Variants in SMYD3 observed in about 807,000 individuals in gnomAD.
SMYD3 encodes histone-lysine N-methyltransferase SMYD3.
A neutral mutation model predicts 57.7 loss-of-function variants in SMYD3; 36 were observed. The ratio of observed to expected loss-of-function variants is 0.62; its 90% confidence interval spans 0.48 to 0.82. The LOEUF (loss-of-function observed/expected upper bound fraction) is 0.82, where lower values mean the gene tolerates loss of function less well. SMYD3 is among the 40% of genes least tolerant of loss of function. The pLI is 0.00. For synonymous variants in SMYD3, 211 were observed against 195.0 expected (o/e 1.08, Z -0.68); for missense variants, 515 against 538.8 (o/e 0.96, Z 0.44).
chr1:246,032,945 TATA>T (rs1317022717), intron 5 of SMYD3, among the ~76,000 whole-genome samples: 3 of 152,132 alleles, frequency 2.0e-5, no homozygotes, highest in Non-Finnish European at 2.9e-5. Flanking sequence ...CTCAAATGTA[TATA>T]ATAAGAATGA....
At position 245,915,441 on chromosome 1, in the gene SMYD3, T is replaced by G. The variant is rs1025413482; in HGVS notation, c.813+89A>C. The G allele has an allele frequency of 5.2e-6, 4 of 776,516 alleles. No homozygotes were observed. The African/African-American group carries it at 6.8e-5, about 13-fold the overall frequency. 48.1% of individuals were successfully genotyped at this position (776,516 alleles called of 1,614,324 possible). Reference sequence around the variant, plus strand: ...CCTACCATGTACTGAGGGTCATTACTTTTGGGTTTATGAAATCTAGGCAGA... The same window carrying G: ...CCTACCATGTACTGAGGGTCATTACGTTTGGGTTTATGAAATCTAGGCAGA... On this transcript the variant is annotated intron_variant, in intron 8 of 11. Transcript: ENST00000490107.
At chr1:245,936,668 G>A (rs576110915) in intron 5 of SMYD3, among the ~76,000 whole-genome samples, 7 of 152,338 alleles carry the variant, frequency 4.6e-5, no homozygotes, top group African/African-American at 1.4e-4. Flanking sequence ...GCCAAGGCAA[G>A]TGGATCGATT....
intron 1 of SMYD3, among the ~76,000 whole-genome samples, chr1:246,411,712 A>G (rs1237355354): frequency 6.6e-6 from 1 of 151,938 alleles, no homozygotes; most frequent in African/African-American, 2.4e-5. Context: ...ATTCTCAGCA[A>G]TCTATCCCAA....
intron 5 of SMYD3, among the ~76,000 whole-genome samples, chr1:246,000,707 A>C (rs1232913626): frequency 2.6e-5 from 4 of 152,170 alleles, no homozygotes; most frequent in Non-Finnish European, 5.9e-5. Context: ...CTCACTAATC[A>C]AGATAACAGA....
intron 1 of SMYD3, among the ~76,000 whole-genome samples, chr1:246,366,656 A>G (rs1558427165): frequency 6.6e-6 from 1 of 152,036 alleles, no homozygotes; most frequent in Non-Finnish European, 1.5e-5. Context: ...TCTCAAAAAC[A>G]AAATTGGCCA....
chr1:246,204,559 A>G (rs1244355546), intron 5 of SMYD3, among the ~76,000 whole-genome samples: 1 of 152,226 alleles, frequency 6.6e-6, no homozygotes, highest in Admixed American at 6.5e-5. Context: ...TACCTTTGTC[A>G]AAGCTCACCA....
Position 246,147,736 on chromosome 1 carries a change from G to A in SMYD3, c.531+179465C>T, listed in dbSNP as rs564476566. ...GAGCAGACAGGATCTGCCCTCCAGG[G>A]TAGAGCTGCAGCCTCCCTGCTGCGG... On this transcript the variant is annotated intron_variant, in intron 5 of 11. Transcript: ENST00000490107. Among the ~76,000 whole-genome samples the A allele has an allele frequency of 3.9e-5, 6 of 152,098 alleles. No homozygotes were observed. The South Asian group carries it at 1.2e-3, about 32-fold the overall frequency.
intron 5 of SMYD3, chr1:246,108,780 C>T (rs1336178666): frequency 6.6e-6 from 1 of 152,378 alleles, no homozygotes; most frequent in South Asian, 2.1e-4. Flanking sequence ...GCTTTATTCC[C>T]TGCAAGCAAC....
At chr1:246,155,712 G>A (rs755011345) in intron 5 of SMYD3, among the ~76,000 whole-genome samples, 18 of 152,206 alleles carry the variant, frequency 1.2e-4, no homozygotes, top group Non-Finnish European at 2.1e-4. Flanking sequence ...AGGTACAGGG[G>A]CTCGTGCCTG....
chr1:245,964,938 C>T (rs11799349), intron 5 of SMYD3, among the ~76,000 whole-genome samples: 20,657 of 151,694 alleles, frequency 0.14, 1,754 homozygotes, highest in East Asian at 0.41. Context: ...GAGAAATTCC[C>T]CAAATTAATG....
At chr1:246,222,589 A>G (rs1239239845) in intron 5 of SMYD3, among the ~76,000 whole-genome samples, 3 of 152,324 alleles carry the variant, frequency 2.0e-5, no homozygotes, top group African/African-American at 7.2e-5. Context: ...TAGATTCTTC[A>G]TGAATATATC....
intron 5 of SMYD3, among the ~76,000 whole-genome samples, chr1:246,239,895 G>A (rs1227824243): frequency 6.6e-6 from 1 of 152,190 alleles, no homozygotes; most frequent in Non-Finnish European, 1.5e-5. Context: ...CTTCTTTTGA[G>A]AAGCGTCTGT....
intron 5 of SMYD3, among the ~76,000 whole-genome samples, chr1:246,133,957 A>C (rs2061626764): frequency 6.6e-6 from 1 of 152,186 alleles, no homozygotes; most frequent in Admixed American, 6.5e-5. Flanking sequence ...CTTCAAAAGA[A>C]ATGTATTCTT....
intron 10 of SMYD3, among the ~76,000 whole-genome samples, chr1:245,766,423 AG>A (rs1191224902): frequency 1.5e-5 from 2 of 134,016 alleles, no homozygotes; most frequent in Non-Finnish European, 3.1e-5. Flanking sequence ...AAAAAAAAAA[AG>A]GCTGAAAAGG....
At chr1:246,161,239 A>C (rs1472944007) in intron 5 of SMYD3, among the ~76,000 whole-genome samples, 2 of 152,222 alleles carry the variant, frequency 1.3e-5, no homozygotes, top group South Asian at 4.2e-4. Flanking sequence ...TGTGGTTGTA[A>C]AGGCCTATTT....
chr1:246,456,384 T>G (rs907574901), intron 1 of SMYD3, among the ~76,000 whole-genome samples: 1 of 152,238 alleles, frequency 6.6e-6, no homozygotes, highest in South Asian at 2.1e-4. Flanking sequence ...GTTTCCCTAA[T>G]AGGCACACAA....
chr1:246,437,589 C>A (rs1420869920), intron 1 of SMYD3, among the ~76,000 whole-genome samples: 1 of 152,168 alleles, frequency 6.6e-6, no homozygotes, highest in Non-Finnish European at 1.5e-5. Context: ...AGATTAGAAG[C>A]CATGCTTTTT....
intron 1 of SMYD3, among the ~76,000 whole-genome samples, chr1:246,378,523 C>G (rs1055696512): frequency 6.7e-6 from 1 of 150,068 alleles, no homozygotes; most frequent in African/African-American, 2.5e-5. Context: ...CCTTGAACAT[C>G]AGACTCCAAG....
intron 1 of SMYD3, among the ~76,000 whole-genome samples, chr1:246,362,002 T>G (rs112642840): frequency 6.6e-6 from 1 of 152,094 alleles, no homozygotes; most frequent in Non-Finnish European, 1.5e-5. Flanking sequence ...CCTGGACCCA[T>G]AGATCTCCAT....
Sources: gnomAD v4.1 joint callset for allele counts (sites outside exome capture counted in the v4.1 genomes callset) on GRCh38, gnomAD v4.1.1 for gene constraint, MANE v1.5 for transcripts, NCBI Gene and HGNC (gene_info 2026-07-23, HGNC 2026-07-21) for gene names.